DNAH8: variants seen among roughly 807,000 people sequenced by gnomAD.
The protein encoded by DNAH8 is axonemal beta dynein heavy chain 8.
Under a neutral mutation model 562.1 loss-of-function variants are expected in DNAH8, and 382 were observed. That is an observed-to-expected ratio of 0.68 (90% CI 0.63 to 0.74). The LOEUF is 0.74. Ranked by LOEUF, DNAH8 falls within the 30% of genes least tolerant of loss-of-function variation. The pLI, the probability that DNAH8 is intolerant of heterozygous loss-of-function variation, is 0.00. For missense variants in DNAH8, 5,203 were observed against 5,620.4 expected (o/e 0.93, Z 2.37); for synonymous variants, 1,881 against 1,919.4 (o/e 0.98, Z 0.52).
In DNAH8 at chr6:38,935,030, T is replaced by C. The variant is rs148742016; in HGVS notation, c.11458-562T>C. On this transcript the variant is annotated intron_variant, in intron 76 of 92. Coordinates refer to ENST00000327475, the MANE Select transcript of DNAH8 (RefSeq NM_001206927.2). ...TTTTATGTAAGAAGAAAAAAACTCCTGTAAACATTCAAGTTTGCCCTCTGT... is the reference window on the plus strand; with the variant it reads ...TTTTATGTAAGAAGAAAAAAACTCCCGTAAACATTCAAGTTTGCCCTCTGT... 1.5e-3 allele frequency among the ~76,000 whole-genome samples: 221 copies of C among 152,326 alleles called. 1 individual carries two copies. Among genetic ancestry groups the C allele is most frequent in the African/African-American group, 5.1e-3 (212 of 41,574 alleles).
chr6:38,763,391 A>G (rs746577583), intron 11 of DNAH8: 5 of 283,648 alleles, frequency 1.8e-5, no homozygotes, highest in Non-Finnish European at 3.4e-5. Flanking sequence ...AAAGCAGAAT[A>G]TTGTGACAAG....
intron 10 of DNAH8, 43 bp from the exon 11 acceptor site, chr6:38,761,659 T>C: frequency 8.9e-7 from 1 of 1,122,358 alleles, no homozygotes; most frequent in Non-Finnish European, 1.2e-6. Flanking sequence ...AAATGTTATT[T>C]CTCTTTTTAC....
At position 38,955,502 on chromosome 6, in the gene DNAH8, G is replaced by A. The variant is rs182378543; in HGVS notation, c.12451+3982G>A. Among the ~76,000 whole-genome samples, 633 of 152,100 alleles carry A rather than the reference G, an allele frequency of 4.2e-3. 5 individuals are homozygous for A. The highest frequency in any genetic ancestry group is 0.014 in the Middle Eastern group (4 of 294). ...AAAAATTAGCTGGGTGTGGTGGCGG[G>A]CACTTGTAATCCCAGTTACTCGGGA... On this transcript the variant is annotated intron_variant, in intron 82 of 92. Coordinates refer to ENST00000327475, the MANE Select transcript of DNAH8 (RefSeq NM_001206927.2).
intron 33 of DNAH8, among the ~76,000 whole-genome samples, chr6:38,840,985 A>G (rs1314754266): frequency 6.6e-6 from 1 of 151,902 alleles, no homozygotes; most frequent in Non-Finnish European, 1.5e-5. Flanking sequence ...CATTTTTAGC[A>G]TAGTTGAGAA....
intron 29 of DNAH8, among the ~76,000 whole-genome samples, chr6:38,826,633 A>T (rs1773350730): frequency 6.6e-6 from 1 of 152,196 alleles, no homozygotes; most frequent in Admixed American, 6.5e-5. Flanking sequence ...ATAGTGGGGT[A>T]GGTAGTGTTT....
intron 76 of DNAH8, 41 bp downstream of exon 76, chr6:38,932,034 C>T: frequency 1.5e-6 from 2 of 1,378,754 alleles, no homozygotes; most frequent in Non-Finnish European, 1.9e-6. Context: ...GCTTATAATA[C>T]ATGCTTAAAA....
At chr6:38,955,077 C>G (rs529877946) in intron 82 of DNAH8, among the ~76,000 whole-genome samples, 3 of 152,296 alleles carry the variant, frequency 2.0e-5, no homozygotes, top group Non-Finnish European at 2.9e-5. Flanking sequence ...AAGTGATCCT[C>G]CTACCTCAGC....
In DNAH8 at chr6:38,842,766, A is replaced by G; in HGVS notation, c.4708A>G (p.Thr1570Ala). 6.2e-7 allele frequency: 1 copy of G among 1,613,976 alleles called. No homozygotes were observed. Among genetic ancestry groups the G allele is most frequent in the Non-Finnish European group, 8.5e-7 (1 of 1,179,920 alleles). ...SESCPLLEMM[T>A]NKAMKQRHWD... ...GTCATGTCCTCTACTGGAAATGATG[A>G]CCAATAAGGCCATGAAACAGAGACA... The change falls in exon 35 of 93, where the codon ACC becomes GCC. Residue 1570 changes from threonine (T) to alanine (A), a missense_variant. Transcript: ENST00000327475.
chr6:38,892,583 C>T (rs767832665), intron 58 of DNAH8, among the ~76,000 whole-genome samples: 84 of 152,164 alleles, frequency 5.5e-4, no homozygotes, highest in Non-Finnish European at 9.8e-4. Context: ...ACCATCCCCC[C>T]GTGACCACCC....
intron 86 of DNAH8, 39 bp downstream of exon 86, chr6:38,982,501 C>G: frequency 9.5e-7 from 1 of 1,058,130 alleles, no homozygotes. Context: ...TTTTATTGCT[C>G]TTCTTAAATC....
chr6:39,010,488 T>C (rs1766115830), intron 89 of DNAH8, among the ~76,000 whole-genome samples: 1 of 152,100 alleles, frequency 6.6e-6, no homozygotes, highest in Non-Finnish European at 1.5e-5. Context: ...AAATCAGGAC[T>C]AGAATTACAT....
chr6:38,949,472 G>A lies in DNAH8; in HGVS notation c.12150G>A (p.Gly4050=). ...IMNQISRNEK[G]WKSWFDKDAP... is the part of the protein sequence containing the mutation. ...TTTAGATATCTCGTAATGAGAAGGG[G>A]TGGAAAAGCTGGTTTGATAAAGATG... is the stretch of plus-strand genomic sequence containing the variant. The change falls in exon 81 of 93, where the codon GGG becomes GGA. Residue 4050 remains glycine (G), a synonymous_variant. Transcript: ENST00000327475. The A allele has an allele frequency of 6.2e-7, 1 of 1,612,064 alleles. No individual in the cohort carries two copies. Among genetic ancestry groups the A allele is most frequent in the Non-Finnish European group, 8.5e-7 (1 of 1,178,270 alleles).
chr6:38,965,630 A>G (rs1583468915), intron 82 of DNAH8, among the ~76,000 whole-genome samples: 1 of 152,238 alleles, frequency 6.6e-6, no homozygotes, highest in Non-Finnish European at 1.5e-5. Context: ...AACAATTAAA[A>G]CAAAACCTAA....
At chr6:38,944,930 G>A (rs1783739049) in intron 79 of DNAH8, among the ~76,000 whole-genome samples, 1 of 149,622 alleles carries the variant, frequency 6.7e-6, no homozygotes. Flanking sequence ...CCTGGCCTAT[G>A]TTTCTCCCAC....
intron 88 of DNAH8, among the ~76,000 whole-genome samples, chr6:38,993,178 G>T (rs142417963): frequency 6.6e-6 from 1 of 151,886 alleles, no homozygotes; most frequent in African/African-American, 2.4e-5. Context: ...TTCTCCCACC[G>T]TAAAAACTCT....
intron 26 of DNAH8, among the ~76,000 whole-genome samples, chr6:38,817,338 A>G (rs1678697): frequency 0.49 from 75,109 of 152,024 alleles, 19,546 homozygotes; most frequent in East Asian, 0.69. Flanking sequence ...GGGAGACTCC[A>G]TCTCCAAAAA....
chr6:38,912,403 T>C (rs1780973297), intron 66 of DNAH8, among the ~76,000 whole-genome samples: 1 of 152,170 alleles, frequency 6.6e-6, no homozygotes, highest in African/African-American at 2.4e-5. Flanking sequence ...AGGTCAAGGC[T>C]GCAGTGAACT....
chr6:38,884,076 A>G (rs1424755187), intron 56 of DNAH8, 78 bp downstream of exon 56: 1 of 989,692 alleles, frequency 1.0e-6, no homozygotes, highest in East Asian at 4.2e-5. Flanking sequence ...GTAAATGTTA[A>G]TAACTTTGTT....
At chr6:38,753,626 AAG>A (rs1765659702) in intron 9 of DNAH8, among the ~76,000 whole-genome samples, 1 of 152,206 alleles carries the variant, frequency 6.6e-6, no homozygotes, top group Non-Finnish European at 1.5e-5. Context: ...ACTTGAAAGA[AAG>A]AATACTCTTC....
Sources: gnomAD v4.1 joint callset for allele counts (sites outside exome capture counted in the v4.1 genomes callset) on GRCh38, gnomAD v4.1.1 for gene constraint, MANE v1.5 for transcripts, NCBI Gene and HGNC (gene_info 2026-07-23, HGNC 2026-07-21) for gene names.